ZNF18: variants seen among roughly 807,000 people sequenced by gnomAD.
The protein encoded by ZNF18 is zinc finger protein 18.
ZNF18 carries 42 observed loss-of-function variants against 58.1 expected under a neutral mutation model. That is an observed-to-expected ratio of 0.72 (90% CI 0.56 to 0.93). The LOEUF is 0.93. ZNF18 is among the 40% of genes least tolerant of loss of function. ZNF18 has a pLI of 0.00. For missense variants in ZNF18, 540 were observed against 644.2 expected (o/e 0.84, Z 1.75); for synonymous variants, 231 against 239.8 (o/e 0.96, Z 0.34).
At chr17:11,985,137 C>T (rs1967654319) in intron 4 of ZNF18, among the ~76,000 whole-genome samples, 1 of 152,174 alleles carries the variant, frequency 6.6e-6, no homozygotes, top group Admixed American at 6.5e-5. Context: ...TAGTGGAAAA[C>T]TGGTAGGTTC....
the ZNF18 span, chr17:12,020,709 G>C: frequency 2.7e-6 from 1 of 365,410 alleles, no homozygotes; most frequent in Non-Finnish European, 4.8e-6. Context: ...CGGTTCTGCA[G>C]CTCAGCATCT....
chr17:11,992,826 G>A lies in ZNF18; in HGVS notation c.4C>T (p.Pro2Ser), dbSNP rs377302753. M[P>S]VDLGQALGLL... The stretch of plus-strand genomic sequence containing the variant: ...CCTAGGGCCTGCCCCAAGTCAACGG[G>A]CATTGTCCAGCCTGGCAAGTCCTTT... The change falls in exon 2 of 7, where the codon CCC (proline) becomes TCC (serine). Residue 2 changes from proline (P) to serine (S), a missense_variant. Coordinates refer to ENST00000580306, the MANE Select transcript of ZNF18 (RefSeq NM_001303281.2). 1.9e-6 allele frequency: 3 copies of A among 1,610,174 alleles called. No homozygotes were observed. The highest frequency in any genetic ancestry group is 2.7e-5 in the African/African-American group (2 of 74,698).
chr17:11,998,187 C>T (rs1968583685), upstream of ZNF18, among the ~76,000 whole-genome samples: 1 of 152,200 alleles, frequency 6.6e-6, no homozygotes. Context: ...TCTCCCTTCT[C>T]ACTATCCCTC....
At chr17:11,997,479 T>G (rs1453237463), upstream of ZNF18, 1 of 152,180 alleles carries the variant, frequency 6.6e-6, no homozygotes, top group African/African-American at 2.4e-5. Context: ...GCTGGGTGGC[T>G]GCGCGCGCCT....
intron 6 of ZNF18, among the ~76,000 whole-genome samples, 162 bp downstream of exon 6, chr17:11,983,135 C>T (rs1024418361): frequency 2.6e-5 from 4 of 152,164 alleles, no homozygotes; most frequent in Admixed American, 6.5e-5. Flanking sequence ...GATAAGTAGA[C>T]TCAATCTCAA....
chr17:12,019,473 T>C, the ZNF18 span, among the ~76,000 whole-genome samples: 1 of 152,120 alleles, frequency 6.6e-6, no homozygotes, highest in Non-Finnish European at 1.5e-5. Flanking sequence ...CAACAAGAGC[T>C]GGGTGGGCTA....
At chr17:11,984,056 GC>G in intron 5 of ZNF18, 56 bp downstream of exon 5, 2 of 1,484,770 alleles carry the variant, frequency 1.3e-6, no homozygotes, top group Non-Finnish European at 1.8e-6. Context: ...CATGGAAAAT[GC>G]CTCACAGTTT....
chr17:12,003,404 C>T, the ZNF18 span, among the ~76,000 whole-genome samples: 3 of 149,816 alleles, frequency 2.0e-5, no homozygotes, highest in Non-Finnish European at 4.4e-5. Context: ...AGTGCTACTG[C>T]ACTCCAGCCC....
At chr17:12,014,816 C>G in the ZNF18 span, among the ~76,000 whole-genome samples, 2 of 152,068 alleles carry the variant, frequency 1.3e-5, no homozygotes, top group Non-Finnish European at 2.9e-5. Context: ...TTTGGGAGGC[C>G]GAGGCAGGCG....
At chr17:12,001,645 CA>C (rs1968658455), upstream of ZNF18, among the ~76,000 whole-genome samples, 1 of 151,892 alleles carries the variant, frequency 6.6e-6, no homozygotes, top group Non-Finnish European at 1.5e-5. Flanking sequence ...AACAAACAAA[CA>C]AACAAACAAA....
At chr17:11,997,639 C>G (rs1014583904), upstream of ZNF18, 9 of 152,274 alleles carry the variant, frequency 5.9e-5, no homozygotes, top group Admixed American at 5.2e-4. Context: ...GCGAGGTTCC[C>G]GAGCCAACGC....
chr17:11,997,534 G>T (rs867668112), upstream of ZNF18: 1 of 152,266 alleles, frequency 6.6e-6, no homozygotes, highest in African/African-American at 2.4e-5. Context: ...GAGCTAGGGG[G>T]CGGGGGCGGA....
upstream of ZNF18, chr17:12,002,153 G>A (rs1452439097): frequency 6.6e-6 from 1 of 152,172 alleles, no homozygotes; most frequent in Non-Finnish European, 1.5e-5. Flanking sequence ...GTTAATCCCA[G>A]CACTGTGGGA....
At chr17:11,982,657 A>AGTGTGT (rs143602913) in intron 6 of ZNF18, among the ~76,000 whole-genome samples, 10,241 of 136,702 alleles carry the variant, frequency 0.075, 504 homozygotes, top group East Asian at 0.13. Context: ...TATATATAAA[A>AGTGTGT]GTGTGTGTGT....
chr17:12,019,657 A>G, the ZNF18 span, among the ~76,000 whole-genome samples: 1 of 152,230 alleles, frequency 6.6e-6, no homozygotes, highest in East Asian at 1.9e-4. Context: ...ACGGCTAGCC[A>G]CTTTTAGGAT....
the ZNF18 span, among the ~76,000 whole-genome samples, chr17:12,007,887 G>T: frequency 6.6e-5 from 10 of 152,084 alleles, no homozygotes; most frequent in African/African-American, 2.4e-4. Context: ...TAGCACAAAG[G>T]GTCTGAACAC....
chr17:12,011,199 C>A, the ZNF18 span: 3 of 544,422 alleles, frequency 5.5e-6, no homozygotes, highest in Non-Finnish European at 1.0e-5. Context: ...TCGGGTGCCT[C>A]TCCTCTTTCA....
At position 11,983,382 on chromosome 17, in the gene ZNF18, G is replaced by A. The variant is rs758660501; in HGVS notation, c.777C>T (p.Asp259=). 1.9e-6 allele frequency: 3 copies of A among 1,613,982 alleles called. No homozygotes were observed. The highest frequency in any genetic ancestry group is 2.5e-6 in the Non-Finnish European group (3 of 1,179,922). Residue 259 remains aspartate (D), a synonymous_variant, in exon 6 of 7, where the codon GAC becomes GAT. Coordinates refer to ENST00000580306, the MANE Select transcript of ZNF18 (RefSeq NM_001303281.2). ...SGAGISHPKS[D]LTNSIEFGEE... ...CCCCAAATTCTATTGAATTAGTCAG[G>A]TCAGATTTGGGATGGGAAATGCCTG...
intron 4 of ZNF18, among the ~76,000 whole-genome samples, chr17:11,989,892 A>G (rs1967991910): frequency 6.6e-6 from 1 of 152,190 alleles, no homozygotes; most frequent in African/African-American, 2.4e-5. Flanking sequence ...ACTTTAAGAC[A>G]TACAGAAATT....
Sources: gnomAD v4.1 joint callset for allele counts (sites outside exome capture counted in the v4.1 genomes callset) on GRCh38, gnomAD v4.1.1 for gene constraint, MANE v1.5 for transcripts, NCBI Gene and HGNC (gene_info 2026-07-23, HGNC 2026-07-21) for gene names.